Variants in SLC39A11 observed in about 807,000 individuals in gnomAD.
SLC39A11 encodes the protein solute carrier family 39 member 11, also known as zinc transporter ZIP11.
SLC39A11 carries 33 observed loss-of-function variants against 36.1 expected under a neutral mutation model. The observed-to-expected ratio is 0.91, with a 90% CI of 0.69 to 1.22. SLC39A11 has a LOEUF of 1.22. Ranked by LOEUF, SLC39A11 falls within the 50% of genes most tolerant of loss-of-function variation. The pLI, the probability that SLC39A11 is intolerant of heterozygous loss-of-function variation, is 0.00. For missense variants in SLC39A11, 432 were observed against 430.3 expected (o/e 1.00, Z -0.03); for synonymous variants, 166 against 170.3 (o/e 0.97, Z 0.20).
intron 4 of SLC39A11, among the ~76,000 whole-genome samples, chr17:72,962,444 C>T (rs2086674370): frequency 6.6e-6 from 1 of 152,184 alleles, no homozygotes; most frequent in African/African-American, 2.4e-5. Flanking sequence ...TTTCTTGCAA[C>T]TAAGAAGGAT....
chr17:72,746,288 A>C (rs961746148), intron 6 of SLC39A11, among the ~76,000 whole-genome samples: 23 of 152,228 alleles, frequency 1.5e-4, no homozygotes, highest in Admixed American at 4.6e-4. Context: ...GTACATTCTC[A>C]GGTCCCAAAA....
intron 5 of SLC39A11, among the ~76,000 whole-genome samples, chr17:72,919,024 C>T (rs1317092597): frequency 2.0e-5 from 3 of 152,072 alleles, no homozygotes; most frequent in Non-Finnish European, 4.4e-5. Context: ...GATTGCACCA[C>T]TGCACTCCAG....
intron 5 of SLC39A11, among the ~76,000 whole-genome samples, chr17:72,935,560 T>C (rs1408340950): frequency 1.3e-5 from 2 of 152,180 alleles, no homozygotes; most frequent in Admixed American, 1.3e-4. Context: ...TTTTTAAAAA[T>C]ATTCATGTCC....
At chr17:72,989,714 T>C (rs2089033727) in intron 4 of SLC39A11, among the ~76,000 whole-genome samples, 1 of 152,246 alleles carries the variant, frequency 6.6e-6, no homozygotes, top group Middle Eastern at 3.2e-3. Flanking sequence ...ATGTGGATTT[T>C]TGCATTTGTT....
chr17:72,713,139 C>T (rs1274506257), intron 7 of SLC39A11, among the ~76,000 whole-genome samples: 5 of 152,064 alleles, frequency 3.3e-5, no homozygotes, highest in Non-Finnish European at 5.9e-5. Context: ...CATTGAAGCC[C>T]GGGGTGATAA....
intron 6 of SLC39A11, chr17:72,822,132 A>G (rs1315714070): frequency 6.6e-6 from 1 of 151,140 alleles, no homozygotes; most frequent in African/African-American, 2.4e-5. Context: ...CCAGGTCCCT[A>G]TGAAGATGTC....
chr17:72,947,828 AGAGCC>A lies in SLC39A11; in HGVS notation c.349_353del (p.Gly117TyrfsTer8). On this transcript the variant is annotated frameshift_variant, in exon 5 of 10. Coordinates refer to ENST00000255559, the MANE Select transcript of SLC39A11 (RefSeq NM_139177.4). LOFTEE classifies it high-confidence loss of function. ...GATCAGACTTCTTCTTCATCAACGTAGAGCCGAAGTTCAGTGCCAGGGTCGTCTGG... is the reference window on the plus strand; with the variant it reads ...GATCAGACTTCTTCTTCATCAACGTAGAAGTTCAGTGCCAGGGTCGTCTGG... 1 of 1,614,148 alleles carries A rather than the reference AGAGCC, an allele frequency of 6.2e-7. No individual in the cohort carries two copies. Among genetic ancestry groups the A allele is most frequent in the Non-Finnish European group, 8.5e-7 (1 of 1,180,032 alleles).
chr17:72,661,964 C>T lies in SLC39A11; in HGVS notation c.672-12696G>A, dbSNP rs980960885. Among the ~76,000 whole-genome samples the T allele has an allele frequency of 7.2e-5, 11 of 152,312 alleles. 1 individual carries two copies. In the East Asian group the frequency reaches 2.1e-3, roughly 29 times the overall value. ...GCCCACATTTCTATGGGATCACTGA[C>T]TCCCAGAGGAATGCTCTGAAGACCT... On this transcript the variant is annotated intron_variant, in intron 7 of 9. Coordinates refer to ENST00000255559, the MANE Select transcript of SLC39A11 (RefSeq NM_139177.4).
At chr17:72,773,679 C>CACACACACACACACACACACACA (rs57105900) in intron 6 of SLC39A11, among the ~76,000 whole-genome samples, 42 of 145,832 alleles carry the variant, frequency 2.9e-4, no homozygotes, top group African/African-American at 9.5e-4. Context: ...ACACACACAC[C>CACACACACACACACACACACACA]CAGTATATAA....
rs573119658 is a variant in SLC39A11, at chr17:72,700,189, T to C, written c.671+36461A>G. Among the ~76,000 whole-genome samples, 103 of 152,326 alleles carry C rather than the reference T, an allele frequency of 6.8e-4. 1 individual carries two copies. Among genetic ancestry groups the C allele is most frequent in the Non-Finnish European group, 5.9e-5 (4 of 68,020 alleles). ...GTTTGGGTCAGCATCTTTGTTAAAA[T>C]CCGTATTTCACATCCTGTGCTTGTT... On this transcript the variant is annotated intron_variant, in intron 7 of 9. Transcript: ENST00000255559.
In SLC39A11 at chr17:72,648,383, A is replaced by G. The variant is rs188201668; in HGVS notation, c.929+420T>C. ...ACAAAACAAAACAACAACAAAATGG[A>G]ACAAAGCAAACCCTTACTCCCACCT... On this transcript the variant is annotated intron_variant, in intron 9 of 9. Transcript: ENST00000255559. 4.3e-3 allele frequency among the ~76,000 whole-genome samples: 651 copies of G among 151,876 alleles called. 4 individuals carry two copies. Among genetic ancestry groups the G allele is most frequent in the African/African-American group, 0.014 (565 of 41,390 alleles).
chr17:72,747,552 G>A (rs762380448), intron 6 of SLC39A11, among the ~76,000 whole-genome samples: 1 of 152,184 alleles, frequency 6.6e-6, no homozygotes, highest in Non-Finnish European at 1.5e-5. Context: ...GCAACGTCAC[G>A]TAACACTGCA....
chr17:72,916,445 C>T (rs930632929), intron 5 of SLC39A11, among the ~76,000 whole-genome samples: 5 of 152,116 alleles, frequency 3.3e-5, no homozygotes, highest in South Asian at 4.1e-4. Context: ...CCATTGCACG[C>T]GGTCCCTTCC....
At chr17:72,818,662 T>C (rs1385086882) in intron 6 of SLC39A11, among the ~76,000 whole-genome samples, 1 of 152,164 alleles carries the variant, frequency 6.6e-6, no homozygotes, top group Non-Finnish European at 1.5e-5. Flanking sequence ...TCACCTTGTT[T>C]AAGCTAATAG....
At chr17:72,865,088 G>C (rs1598176098) in intron 5 of SLC39A11, among the ~76,000 whole-genome samples, 1 of 152,080 alleles carries the variant, frequency 6.6e-6, no homozygotes, top group East Asian at 1.9e-4. Flanking sequence ...TTAAATGCAG[G>C]TACAAGTTTG....
rs928098077 is a variant in SLC39A11 at position 72,822,789 on chromosome 17, A to G, written c.601+26845T>C. ...GAGTGCAGTGGCACGATCATAGCTC[A>G]CTGCAGCTTCAACCTCCTGGGCTCA... On this transcript the variant is annotated intron_variant, in intron 6 of 9. Coordinates refer to ENST00000255559, the MANE Select transcript of SLC39A11 (RefSeq NM_139177.4). Among the ~76,000 whole-genome samples, 6 of 150,726 alleles carry G rather than the reference A, an allele frequency of 4.0e-5. 1 individual carries two copies. Among genetic ancestry groups the G allele is most frequent in the Non-Finnish European group, 4.5e-5 (3 of 67,296 alleles).
intron 3 of SLC39A11, chr17:73,068,238 C>T: frequency 2.4e-6 from 2 of 825,262 alleles, no homozygotes; most frequent in Admixed American, 2.3e-5. Context: ...CCTTCCCCTC[C>T]AGTAGCACTT....
intron 4 of SLC39A11, among the ~76,000 whole-genome samples, chr17:72,965,170 G>A (rs1598626066): frequency 2.6e-5 from 4 of 152,094 alleles, no homozygotes; most frequent in African/African-American, 9.7e-5. Context: ...AATGGGTGCA[G>A]CACACCAACA....
At chr17:72,853,007 T>TTTGA (rs71154923) in intron 5 of SLC39A11, among the ~76,000 whole-genome samples, 134 of 151,492 alleles carry the variant, frequency 8.8e-4, no homozygotes, top group African/African-American at 2.7e-3. Context: ...CTTGCAGACT[T>TTTGA]TTGATTGATT....
Sources: gnomAD v4.1 joint callset for allele counts (sites outside exome capture counted in the v4.1 genomes callset) on GRCh38, gnomAD v4.1.1 for gene constraint, MANE v1.5 for transcripts, NCBI Gene and HGNC (gene_info 2026-07-23, HGNC 2026-07-21) for gene names.